Variants in ARHGAP5 observed in about 807,000 individuals in gnomAD.
ARHGAP5 encodes the protein Rho GTPase activating protein 5, also known as rho GTPase-activating protein 5.
Under a neutral mutation model 116.6 loss-of-function variants are expected in ARHGAP5, and 23 were observed. The ratio of observed to expected loss-of-function variants is 0.20; its 90% confidence interval spans 0.14 to 0.28. The LOEUF is 0.28. Ranked by LOEUF, ARHGAP5 falls within the 10% of genes least tolerant of loss-of-function variation. The probability of loss-of-function intolerance (pLI) is 1.00; values close to 1 mark genes in which losing one functional copy is unlikely to be tolerated. For synonymous variants in ARHGAP5, 574 were observed against 602.0 expected (o/e 0.95, Z 0.68); for missense variants, 1,405 against 1,774.8 (o/e 0.79, Z 3.74).
intron 3 of ARHGAP5, among the ~76,000 whole-genome samples, chr14:32,144,564 A>G (rs547025204): frequency 6.6e-6 from 1 of 151,956 alleles, no homozygotes; most frequent in African/African-American, 2.4e-5. Context: ...GCTCACTGCA[A>G]CCTCTGCCTC....
chr14:32,104,390 T>G (rs1878917140), intron 2 of ARHGAP5, among the ~76,000 whole-genome samples: 1 of 152,224 alleles, frequency 6.6e-6, no homozygotes. Flanking sequence ...GCCTGATAAG[T>G]ATGTACAAAA....
At chr14:32,144,416 A>G (rs952923544) in intron 3 of ARHGAP5, among the ~76,000 whole-genome samples, 3 of 151,918 alleles carry the variant, frequency 2.0e-5, no homozygotes, top group African/African-American at 7.3e-5. Flanking sequence ...TATTGAGCCC[A>G]CTTGGTGAGT....
chr14:32,135,177 G>C (rs949613284), intron 3 of ARHGAP5, among the ~76,000 whole-genome samples: 2 of 152,098 alleles, frequency 1.3e-5, no homozygotes, highest in African/African-American at 4.8e-5. Context: ...TGAGTGCCTA[G>C]AAAGAAAAAA....
At chr14:32,119,584 C>T (rs1367496014) in intron 3 of ARHGAP5, among the ~76,000 whole-genome samples, 1 of 152,020 alleles carries the variant, frequency 6.6e-6, no homozygotes, top group African/African-American at 2.4e-5. Flanking sequence ...TTTCATTCAC[C>T]GCTAAAAGCA....
At chr14:32,102,426 A>G (rs764367172) in intron 2 of ARHGAP5, among the ~76,000 whole-genome samples, 2 of 152,218 alleles carry the variant, frequency 1.3e-5, no homozygotes, top group African/African-American at 2.4e-5. Flanking sequence ...ACAAAAATGT[A>G]AAATCTCAGC....
chr14:32,145,380 T>C (rs1485925952), intron 3 of ARHGAP5, among the ~76,000 whole-genome samples: 1 of 152,194 alleles, frequency 6.6e-6, no homozygotes, highest in African/African-American at 2.4e-5. Context: ...GTAGGGCAAT[T>C]ATAGTCAAAA....
intron 1 of ARHGAP5, among the ~76,000 whole-genome samples, chr14:32,080,303 T>G (rs1479295769): frequency 6.6e-6 from 1 of 150,404 alleles, no homozygotes; most frequent in Non-Finnish European, 1.5e-5. Flanking sequence ...ATAAGAATAT[T>G]TAACTTAATT....
rs1311548937 is a variant in ARHGAP5 at position 32,093,471 on chromosome 14, T to G, written c.2802T>G (p.Phe934Leu). 1.2e-6 allele frequency: 2 copies of G among 1,613,208 alleles called. No homozygotes were observed. The highest frequency in any genetic ancestry group is 1.7e-6 in the Non-Finnish European group (2 of 1,179,742). Reference sequence around the variant, plus strand: ...GGCAAACTGAGGTCTTTACTCTGTTTTTTAGTGATGTTCTAGAGAAAAAAA... The same window carrying G: ...GGCAAACTGAGGTCTTTACTCTGTTGTTTAGTGATGTTCTAGAGAAAAAAA... The part of the protein sequence containing the change: ...YHRQTEVFTL[F>L]FSDVLEKKNM... The change falls in exon 2 of 7, where the codon TTT (phenylalanine) becomes TTG (leucine). Residue 934 changes from phenylalanine to leucine, a missense_variant. By Grantham distance (22) the Phe-to-Leu change is conservative. Transcript: ENST00000345122.
At chr14:32,114,781 A>G (rs1396054508) in intron 2 of ARHGAP5, among the ~76,000 whole-genome samples, 1 of 152,232 alleles carries the variant, frequency 6.6e-6, no homozygotes, top group East Asian at 1.9e-4. Flanking sequence ...AGAGACTCAG[A>G]AGAATACATT....
At chr14:32,132,682 A>T (rs991540056) in intron 3 of ARHGAP5, among the ~76,000 whole-genome samples, 3 of 149,636 alleles carry the variant, frequency 2.0e-5, no homozygotes, top group African/African-American at 7.3e-5. Context: ...CTGCATGGTA[A>T]TGCCTAGGTT....
chr14:32,138,283 T>G (rs1880916512), intron 3 of ARHGAP5, among the ~76,000 whole-genome samples: 1 of 152,172 alleles, frequency 6.6e-6, no homozygotes, highest in African/African-American at 2.4e-5. Flanking sequence ...TTTATTTGTT[T>G]GTGGTTTGTT....
In ARHGAP5 at chr14:32,093,540, A is replaced by C. The variant is rs1594347607; in HGVS notation, c.2871A>C (p.Ser957=). The stretch of plus-strand genomic sequence containing the variant: ...ATTTGTCTGATAATACAAGGGAATC[A>C]ACCCATCAAAGTGAAGATGTTTTTC... ...NSYLSDNTRE[S]THQSEDVFLP... Residue 957 remains serine (S), a synonymous_variant, in exon 2 of 7, where the codon TCA becomes TCC. Transcript: ENST00000345122. The C allele has an allele frequency of 6.2e-7, 1 of 1,613,966 alleles. No homozygotes were observed. The highest frequency in any genetic ancestry group is 1.3e-5 in the African/African-American group (1 of 75,044).
At chr14:32,139,209 C>G (rs898682702) in intron 3 of ARHGAP5, among the ~76,000 whole-genome samples, 1 of 152,024 alleles carries the variant, frequency 6.6e-6, no homozygotes, top group Non-Finnish European at 1.5e-5. Flanking sequence ...TTTAATCTGG[C>G]TATGGGGCAT....
At chr14:32,121,421 T>C (rs1442269622) in intron 3 of ARHGAP5, among the ~76,000 whole-genome samples, 2 of 152,222 alleles carry the variant, frequency 1.3e-5, no homozygotes, top group Non-Finnish European at 2.9e-5. Context: ...TATACCACTT[T>C]AATGTGTTTT....
At chr14:32,143,311 C>T (rs764735262) in intron 3 of ARHGAP5, among the ~76,000 whole-genome samples, 1 of 151,074 alleles carries the variant, frequency 6.6e-6, no homozygotes, top group Non-Finnish European at 1.5e-5. Flanking sequence ...GGTGTGATCT[C>T]GGCTCACTGC....
At position 32,157,613 on chromosome 14, in the gene ARHGAP5, A is replaced by G. The variant is rs765847627; in HGVS notation, c.*2665A>G. ...TTTATTAGAAGTCAAATTCTATTCA[A>G]CAGACACTTATTAGGATATACAACT... On this transcript the variant is annotated 3_prime_UTR_variant, in exon 7 of 7. Transcript: ENST00000345122. The G allele has an allele frequency of 8.5e-5, 13 of 152,196 alleles. No homozygotes were observed. The highest frequency in any genetic ancestry group is 2.1e-4 in the South Asian group (1 of 4,836). The allele number at this position is 152,196 out of a possible 1,614,324, so 9.4% of individuals were successfully genotyped here.
At chr14:32,144,058 T>G (rs112508213) in intron 3 of ARHGAP5, among the ~76,000 whole-genome samples, 8,751 of 152,196 alleles carry the variant, frequency 0.057, 834 homozygotes, top group African/African-American at 0.2. Context: ...GGATGGAAAG[T>G]TCCTGCTATG....
intron 2 of ARHGAP5, among the ~76,000 whole-genome samples, chr14:32,106,923 C>A (rs1477393727): frequency 2.0e-5 from 3 of 152,176 alleles, no homozygotes; most frequent in African/African-American, 7.2e-5. Flanking sequence ...AAATGACTTA[C>A]GCACTAGATC....
chr14:32,081,165 T>A (rs114897235), intron 1 of ARHGAP5, among the ~76,000 whole-genome samples: 4,025 of 152,182 alleles, frequency 0.026, 163 homozygotes, highest in African/African-American at 0.09. Flanking sequence ...CTTTAAGAAT[T>A]TGAGGTATAT....
Sources: allele counts gnomAD v4.1 joint callset (sites outside exome capture counted in the v4.1 genomes callset), GRCh38; gene constraint gnomAD v4.1.1; transcripts MANE v1.5; gene names NCBI Gene and HGNC (gene_info 2026-07-23, HGNC 2026-07-21).